MAGI2: variants seen among roughly 807,000 people sequenced by gnomAD.
The protein encoded by MAGI2 is membrane-associated guanylate kinase, WW and PDZ domain-containing protein 2.
A neutral mutation model predicts 133.3 loss-of-function variants in MAGI2; 35 were observed. The observed-to-expected ratio is 0.26, with a 90% CI of 0.20 to 0.35. The LOEUF is 0.35. Among genes scored for constraint, MAGI2 ranks in the 10% least tolerant of loss-of-function variants. The probability of loss-of-function intolerance (pLI) is 1.00; values close to 1 mark genes in which losing one functional copy is unlikely to be tolerated. For synonymous variants in MAGI2, 729 were observed against 710.6 expected (o/e 1.03, Z -0.41); for missense variants, 1,636 against 1,863.4 (o/e 0.88, Z 2.25).
chr7:79,226,121 A>G (rs1195799141), intron 1 of MAGI2, among the ~76,000 whole-genome samples: 1 of 152,216 alleles, frequency 6.6e-6, no homozygotes, highest in Non-Finnish European at 1.5e-5. Flanking sequence ...AAAGTTCATG[A>G]TCGACTACAG....
At chr7:78,830,109 G>T (rs1791010825) in intron 2 of MAGI2, among the ~76,000 whole-genome samples, 1 of 151,884 alleles carries the variant, frequency 6.6e-6, no homozygotes, top group Non-Finnish European at 1.5e-5. Context: ...TCATCAAAAT[G>T]GGTTTTTGCT....
chr7:78,654,804 A>G (rs539198895), intron 2 of MAGI2, among the ~76,000 whole-genome samples: 1 of 149,840 alleles, frequency 6.7e-6, no homozygotes, highest in East Asian at 2.0e-4. Context: ...TTTTAATAAC[A>G]TTTGTATTTA....
In MAGI2 at chr7:78,176,908, G is replaced by GACACACACACACACACACAC. The variant is rs200781303; in HGVS notation, c.2403+1083_2403+1102dup. Among the ~76,000 whole-genome samples the GACACACACACACACACACAC allele has an allele frequency of 1.0e-3, 133 of 130,470 alleles. 1 individual carries two copies. Among genetic ancestry groups the GACACACACACACACACACAC allele is most frequent in the Middle Eastern group, 8.6e-3 (2 of 232 alleles). 85.6% of individuals were successfully genotyped at this position (130,470 alleles called of 152,430 possible). ...ATAGTATATTTAAAAACCATATATA[G>GACACACACACACACACACAC]ACACACACACACACACACACACACA... On this transcript the variant is annotated intron_variant, in intron 14 of 21. Transcript: ENST00000354212.
At chr7:78,951,020 G>A (rs990654964) in intron 2 of MAGI2, among the ~76,000 whole-genome samples, 17 of 149,394 alleles carry the variant, frequency 1.1e-4, no homozygotes, top group Non-Finnish European at 2.4e-4. Flanking sequence ...CACCCAAGCG[G>A]GAGTGCAGTG....
At chr7:78,786,184 T>G (rs1222761990) in intron 2 of MAGI2, among the ~76,000 whole-genome samples, 1 of 151,704 alleles carries the variant, frequency 6.6e-6, no homozygotes, top group African/African-American at 2.4e-5. Flanking sequence ...GCCTCCTCTC[T>G]GTCTCTCACT....
intron 1 of MAGI2, among the ~76,000 whole-genome samples, chr7:79,127,298 C>T (rs990656177): frequency 5.3e-5 from 8 of 152,066 alleles, no homozygotes; most frequent in African/African-American, 1.2e-4. Flanking sequence ...GATTTATAAT[C>T]TTTTGGATAT....
chr7:79,314,612 T>G (rs1838560007), intron 1 of MAGI2, among the ~76,000 whole-genome samples: 1 of 152,206 alleles, frequency 6.6e-6, no homozygotes, highest in Non-Finnish European at 1.5e-5. Flanking sequence ...CTAAATGCAT[T>G]GCAGTCTTCC....
chr7:78,499,055 AAACAACAAC>A (rs147914906), intron 5 of MAGI2, among the ~76,000 whole-genome samples: 68,858 of 150,360 alleles, frequency 0.46, 16,529 homozygotes, highest in African/African-American at 0.62. Flanking sequence ...CTACAAACTC[AAACAACAAC>A]AACAACAACA....
chr7:78,555,095 C>G (rs955567109), intron 3 of MAGI2, among the ~76,000 whole-genome samples: 2 of 151,566 alleles, frequency 1.3e-5, no homozygotes, highest in African/African-American at 4.9e-5. Flanking sequence ...ACTATGATCA[C>G]TGCACTCCAG....
intron 2 of MAGI2, among the ~76,000 whole-genome samples, chr7:78,762,555 C>T (rs897320387): frequency 8.5e-5 from 13 of 152,088 alleles, no homozygotes; most frequent in Admixed American, 5.2e-4. Flanking sequence ...TTCTTCCTTT[C>T]GCTATGTGAA....
At chr7:78,058,706 C>T (rs1268906596) in intron 21 of MAGI2, among the ~76,000 whole-genome samples, 5 of 151,900 alleles carry the variant, frequency 3.3e-5, no homozygotes, top group Non-Finnish European at 7.4e-5. Flanking sequence ...TTTTTATACC[C>T]TCAGATTAAT....
At chr7:78,178,694 G>C (rs1453482119) in intron 13 of MAGI2, among the ~76,000 whole-genome samples, 1 of 152,014 alleles carries the variant, frequency 6.6e-6, no homozygotes, top group Non-Finnish European at 1.5e-5. Context: ...TTCTTGTATT[G>C]AGGTTCAAGA....
At chr7:79,323,257 G>A (rs1228956837) in intron 1 of MAGI2, among the ~76,000 whole-genome samples, 3 of 152,088 alleles carry the variant, frequency 2.0e-5, no homozygotes, top group Admixed American at 1.3e-4. Context: ...TCTCCTCAAT[G>A]AACTTACAGT....
At chr7:78,457,650 C>T (rs73150307) in intron 6 of MAGI2, among the ~76,000 whole-genome samples, 33,063 of 152,120 alleles carry the variant, frequency 0.22, 3,658 homozygotes, top group Middle Eastern at 0.3. Context: ...CCAACACTTG[C>T]ACAGACCTTT....
intron 20 of MAGI2, among the ~76,000 whole-genome samples, chr7:78,080,918 T>G (rs1473541111): frequency 1.3e-5 from 2 of 152,194 alleles, no homozygotes; most frequent in Non-Finnish European, 2.9e-5. Flanking sequence ...CAAGCTCAAT[T>G]CAGGCCTTTA....
intron 1 of MAGI2, among the ~76,000 whole-genome samples, chr7:79,133,690 C>G (rs1448677860): frequency 6.6e-6 from 1 of 151,838 alleles, no homozygotes; most frequent in Non-Finnish European, 1.5e-5. Context: ...AATATAATAC[C>G]AAAAATAAAG....
chr7:78,283,804 C>T (rs943563288), intron 9 of MAGI2, among the ~76,000 whole-genome samples: 5 of 151,834 alleles, frequency 3.3e-5, no homozygotes, highest in Admixed American at 6.6e-5. Context: ...GCCTAAAAAG[C>T]GATAAATCTG....
At chr7:79,118,362 A>T (rs1819586420) in intron 1 of MAGI2, among the ~76,000 whole-genome samples, 1 of 152,158 alleles carries the variant, frequency 6.6e-6, no homozygotes, top group Non-Finnish European at 1.5e-5. Context: ...TAGCTTAGTC[A>T]TTTCTATCAA....
Position 79,193,924 on chromosome 7 carries a change from T to A in MAGI2, c.302-186718A>T, listed in dbSNP as rs1277729005. ...GACAAGCCATCAAAAATGAGTCTCC[T>A]TTTACTCCTTAATTGATCACATAGA... On this transcript the variant is annotated intron_variant, in intron 1 of 21. Transcript: ENST00000354212. Among the ~76,000 whole-genome samples, 2 of 151,946 alleles carry A rather than the reference T, an allele frequency of 1.3e-5. 1 individual carries two copies. Among genetic ancestry groups the A allele is most frequent in the African/African-American group, 4.8e-5 (2 of 41,280 alleles).
Sources: gnomAD v4.1 joint callset for allele counts (sites outside exome capture counted in the v4.1 genomes callset) on GRCh38, gnomAD v4.1.1 for gene constraint, MANE v1.5 for transcripts, NCBI Gene and HGNC (gene_info 2026-07-23, HGNC 2026-07-21) for gene names.